The following ARHGAP15 variants were observed in gnomAD, a reference collection of about 807,000 sequenced individuals.
ARHGAP15 encodes Rho GTPase activating protein 15, also known as rho GTPase-activating protein 15.
Under a neutral mutation model 63.7 loss-of-function variants are expected in ARHGAP15, and 51 were observed. The observed-to-expected ratio is 0.80, with a 90% CI of 0.64 to 1.01. The LOEUF (loss-of-function observed/expected upper bound fraction) is 1.01, where lower values mean the gene tolerates loss of function less well. ARHGAP15 is among the 50% of genes least tolerant of loss of function. The pLI, the probability that ARHGAP15 is intolerant of heterozygous loss-of-function variation, is 0.00. For missense variants in ARHGAP15, 560 were observed against 564.6 expected (o/e 0.99, Z 0.08); for synonymous variants, 191 against 193.8 (o/e 0.99, Z 0.12).
At chr2:143,478,234 T>A (rs1558998387) in intron 8 of ARHGAP15, among the ~76,000 whole-genome samples, 1 of 152,196 alleles carries the variant, frequency 6.6e-6, no homozygotes, top group Non-Finnish European at 1.5e-5. Context: ...CAACTGTTCT[T>A]ATTGGCAATC....
chr2:143,442,229 A>G (rs560220968), intron 8 of ARHGAP15, among the ~76,000 whole-genome samples: 5 of 152,302 alleles, frequency 3.3e-5, no homozygotes, highest in South Asian at 4.1e-4. Flanking sequence ...TCAAAATCCA[A>G]TTGTAAATTG....
At chr2:143,485,802 A>G (rs1363918587) in intron 8 of ARHGAP15, among the ~76,000 whole-genome samples, 3 of 152,358 alleles carry the variant, frequency 2.0e-5, no homozygotes, top group African/African-American at 7.2e-5. Flanking sequence ...AAATTTGGGA[A>G]GCAATACTTT....
At chr2:143,634,270 CAGGGAAGTCTCT>C (rs1307677657) in intron 12 of ARHGAP15, among the ~76,000 whole-genome samples, 20 of 152,246 alleles carry the variant, frequency 1.3e-4, no homozygotes, top group Middle Eastern at 3.4e-3. Context: ...GTCAAGTCCT[CAGGGAAGTCTCT>C]CATCAGCTAA....
At chr2:143,634,518 TATCATATTAGAATATA>T (rs1234215345) in intron 12 of ARHGAP15, among the ~76,000 whole-genome samples, 1 of 152,178 alleles carries the variant, frequency 6.6e-6, no homozygotes, top group Non-Finnish European at 1.5e-5. Flanking sequence ...TCACTGGTAT[TATCATATTAGAATATA>T]ATCAGAGTGT....
At chr2:143,704,373 CAGAG>C (rs1325222178) in intron 13 of ARHGAP15, among the ~76,000 whole-genome samples, 1 of 152,068 alleles carries the variant, frequency 6.6e-6, no homozygotes, top group Non-Finnish European at 1.5e-5. Flanking sequence ...GTGGAGCCCT[CAGAG>C]AGAAATGGGT....
intron 11 of ARHGAP15, among the ~76,000 whole-genome samples, chr2:143,603,932 C>A (rs1396737993): frequency 6.6e-6 from 1 of 152,144 alleles, no homozygotes; most frequent in African/African-American, 2.4e-5. Context: ...AAAAAAGAAG[C>A]CCATAAATGA....
chr2:143,330,115 A>AAAAAAAAC (rs1684460431), intron 6 of ARHGAP15, among the ~76,000 whole-genome samples: 3 of 86,166 alleles, frequency 3.5e-5, no homozygotes, highest in African/African-American at 1.3e-4. Context: ...AAAAAAAAAA[A>AAAAAAAAC]AAAAAAAAAA....
intron 12 of ARHGAP15, among the ~76,000 whole-genome samples, chr2:143,664,788 C>T (rs1343159966): frequency 6.6e-6 from 1 of 152,206 alleles, no homozygotes; most frequent in African/African-American, 2.4e-5. Context: ...ACTACAAACA[C>T]CTCTACTCAA....
intron 6 of ARHGAP15, among the ~76,000 whole-genome samples, chr2:143,390,601 C>T (rs548907490): frequency 1.1e-4 from 16 of 152,142 alleles, no homozygotes; most frequent in African/African-American, 2.4e-4. Context: ...CCCCACTCTC[C>T]GCTTCCCCCT....
At chr2:143,260,887 A>G (rs1303035173) in intron 6 of ARHGAP15, among the ~76,000 whole-genome samples, 2 of 152,146 alleles carry the variant, frequency 1.3e-5, no homozygotes, top group Non-Finnish European at 2.9e-5. Flanking sequence ...TTTAGGAAGG[A>G]TATGAACAAC....
intron 9 of ARHGAP15, among the ~76,000 whole-genome samples, chr2:143,512,853 C>G (rs1693649581): frequency 6.6e-6 from 1 of 152,246 alleles, no homozygotes. Flanking sequence ...GTCCGCTCAT[C>G]TGCGGCACAT....
intron 9 of ARHGAP15, among the ~76,000 whole-genome samples, chr2:143,492,777 C>T (rs1221246807): frequency 1.3e-5 from 2 of 150,676 alleles, no homozygotes; most frequent in Non-Finnish European, 3.0e-5. Flanking sequence ...AATCAATCAT[C>T]CGGGCGTGGT....
At chr2:143,696,717 C>CA (rs1225481327) in intron 12 of ARHGAP15, among the ~76,000 whole-genome samples, 5 of 152,018 alleles carry the variant, frequency 3.3e-5, no homozygotes, top group Admixed American at 6.5e-5. Context: ...CTTGTTTATT[C>CA]AAAAAAACAG....
intron 5 of ARHGAP15, among the ~76,000 whole-genome samples, chr2:143,239,717 G>A (rs1457313128): frequency 2.0e-5 from 3 of 152,046 alleles, no homozygotes; most frequent in East Asian, 1.9e-4. Flanking sequence ...TTAGTTGGGT[G>A]CAGTGGCCCA....
intron 5 of ARHGAP15, among the ~76,000 whole-genome samples, chr2:143,238,715 A>G (rs1041693873): frequency 1.3e-5 from 2 of 152,200 alleles, no homozygotes; most frequent in Non-Finnish European, 2.9e-5. Flanking sequence ...AGGAATATCA[A>G]TCATTCTATT....
chr2:143,611,976 A>G (rs1486379955), intron 11 of ARHGAP15, among the ~76,000 whole-genome samples: 1 of 152,120 alleles, frequency 6.6e-6, no homozygotes, highest in Non-Finnish European at 1.5e-5. Context: ...GGCTGTTTCC[A>G]GGGTCTTCTA....
At chr2:143,470,909 TAC>T (rs932787082) in intron 8 of ARHGAP15, among the ~76,000 whole-genome samples, 1 of 150,182 alleles carries the variant, frequency 6.7e-6, no homozygotes, top group African/African-American at 2.4e-5. Context: ...TGTATATATA[TAC>T]ACGTATGTGT....
intron 13 of ARHGAP15, among the ~76,000 whole-genome samples, chr2:143,737,762 ATTTATTTT>A (rs1348866782): frequency 1.2e-4 from 14 of 115,828 alleles, no homozygotes; most frequent in East Asian, 5.6e-4. Context: ...TTATTTATTT[ATTTATTTT>A]TTGAGATGGA....
At chr2:143,653,664 A>G (rs966247183) in intron 12 of ARHGAP15, among the ~76,000 whole-genome samples, 5 of 152,190 alleles carry the variant, frequency 3.3e-5, no homozygotes, top group African/African-American at 1.2e-4. Flanking sequence ...ATGAAATAAA[A>G]GAGATGAGAA....
Sources: gnomAD v4.1 joint callset for allele counts (sites outside exome capture counted in the v4.1 genomes callset) on GRCh38, gnomAD v4.1.1 for gene constraint, MANE v1.5 for transcripts, NCBI Gene and HGNC (gene_info 2026-07-23, HGNC 2026-07-21) for gene names.